NTRK3: variants seen among roughly 807,000 people sequenced by gnomAD.
NTRK3 encodes neurotrophic receptor tyrosine kinase 3.
In NTRK3, 24 loss-of-function variants were observed where a neutral mutation model predicts 91.7. The ratio of observed to expected loss-of-function variants is 0.26; its 90% CI spans 0.19 to 0.37. NTRK3 has a LOEUF of 0.37. Ranked by LOEUF, NTRK3 falls within the 10% of genes least tolerant of loss-of-function variation. NTRK3 has a pLI of 1.00. For synonymous variants in NTRK3, 483 were observed against 404.0 expected (o/e 1.20, Z -2.34); for missense variants, 880 against 1,068.9 (o/e 0.82, Z 2.46).
At chr15:87,971,486 A>C (rs995147885) in intron 14 of NTRK3, among the ~76,000 whole-genome samples, 2 of 152,260 alleles carry the variant, frequency 1.3e-5, no homozygotes, top group Non-Finnish European at 2.9e-5. Flanking sequence ...TTAATAGGCT[A>C]GATTTAGTTA....
chr15:88,199,106 G>T (rs919439881), intron 3 of NTRK3, among the ~76,000 whole-genome samples: 3 of 152,226 alleles, frequency 2.0e-5, no homozygotes, highest in Non-Finnish European at 4.4e-5. Context: ...TCCAGGGACA[G>T]GGTGGGGTGG....
chr15:87,893,951 C>G (rs925784165), intron 17 of NTRK3, among the ~76,000 whole-genome samples: 1 of 152,180 alleles, frequency 6.6e-6, no homozygotes, highest in African/African-American at 2.4e-5. Context: ...GAGGAGACAA[C>G]TCTGAAGAGT....
exon 19 of NTRK3, chr15:87,859,783 C>CAATT: frequency 5.7e-6 from 1 of 175,922 alleles, no homozygotes; most frequent in Admixed American, 6.3e-5. Context: ...AGAAGAGACC[C>CAATT]TACATAAACT....
At chr15:88,110,246 A>G (rs1254871790) in intron 13 of NTRK3, among the ~76,000 whole-genome samples, 1 of 152,330 alleles carries the variant, frequency 6.6e-6, no homozygotes, top group East Asian at 1.9e-4. Flanking sequence ...AATAAGGAAG[A>G]AAGAAGATCA....
rs2053926154 is a variant in NTRK3, at chr15:88,255,404, A to G, written c.248+502T>C. Among the ~76,000 whole-genome samples the G allele has an allele frequency of 6.6e-6, 1 of 152,118 alleles. No individual in the cohort carries two copies. Among genetic ancestry groups the G allele is most frequent in the Non-Finnish European group, 1.5e-5 (1 of 68,006 alleles). ...TGTCAGCATGTTTTGCTGTTTCCAA[A>G]TGGAAATAGTTAAACACCTCGGCTG... On this transcript the variant is annotated intron_variant, in intron 3 of 18. Coordinates refer to ENST00000394480, the Ensembl canonical transcript of NTRK3. This position sits in a 1 kb window ranked among gnomAD's most constrained non-coding sequence, Gnocchi z 4.3.
intron 5 of NTRK3, among the ~76,000 whole-genome samples, chr15:88,173,653 C>T (rs964605099): frequency 6.6e-6 from 1 of 152,240 alleles, no homozygotes; most frequent in African/African-American, 2.4e-5. Context: ...GCACTCCCTT[C>T]GTGGTCTCCC....
chr15:88,041,456 C>T (rs979635707), intron 13 of NTRK3, among the ~76,000 whole-genome samples: 4 of 152,172 alleles, frequency 2.6e-5, no homozygotes, highest in South Asian at 2.1e-4. Context: ...TTAAACAGTA[C>T]CCCCATCACT....
intron 17 of NTRK3, among the ~76,000 whole-genome samples, chr15:87,912,185 C>T (rs576439869): frequency 2.3e-4 from 35 of 152,308 alleles, no homozygotes; most frequent in Non-Finnish European, 4.3e-4. Flanking sequence ...TTGCTTGCTG[C>T]GTTGACTAGG....
At chr15:87,993,540 A>G (rs1180139616) in intron 14 of NTRK3, among the ~76,000 whole-genome samples, 1 of 152,162 alleles carries the variant, frequency 6.6e-6, no homozygotes, top group Non-Finnish European at 1.5e-5. Context: ...GTCCTTTTTA[A>G]TTTGATGGAA....
chr15:88,251,921 C>G (rs1248289529), intron 3 of NTRK3, among the ~76,000 whole-genome samples: 2 of 152,148 alleles, frequency 1.3e-5, no homozygotes. Context: ...GGCCTCAGGT[C>G]CCATGGAGGT....
At chr15:88,187,435 T>A (rs1382391921) in intron 3 of NTRK3, among the ~76,000 whole-genome samples, 1 of 152,204 alleles carries the variant, frequency 6.6e-6, no homozygotes, top group Non-Finnish European at 1.5e-5. Flanking sequence ...GTCAGTGTTG[T>A]GACTCTGCCG....
chr15:87,951,596 G>C (rs1403710254), intron 14 of NTRK3, among the ~76,000 whole-genome samples: 2 of 152,210 alleles, frequency 1.3e-5, no homozygotes, highest in East Asian at 3.8e-4. Context: ...AAGGATTTTA[G>C]TTAATGCACA....
intron 5 of NTRK3, among the ~76,000 whole-genome samples, chr15:88,174,595 G>A (rs1284733616): frequency 6.6e-6 from 1 of 152,096 alleles, no homozygotes; most frequent in Non-Finnish European, 1.5e-5. Context: ...TGATAAACAG[G>A]CTCAGTGGCC....
chr15:88,074,960 C>T (rs1018913440), intron 13 of NTRK3, among the ~76,000 whole-genome samples: 9 of 152,182 alleles, frequency 5.9e-5, no homozygotes, highest in South Asian at 2.1e-4. Flanking sequence ...CTACATCTCC[C>T]GGCACCCTTT....
chr15:87,891,212 T>C (rs972166854), intron 17 of NTRK3, among the ~76,000 whole-genome samples: 1 of 152,220 alleles, frequency 6.6e-6, no homozygotes, highest in African/African-American at 2.4e-5. Context: ...CAGCTCTTTC[T>C]GTCCTTAGAA....
At chr15:88,137,647 G>A (rs151042785) in intron 6 of NTRK3, 86 bp from the exon 7 acceptor site, 310 of 1,386,384 alleles carry the variant, frequency 2.2e-4, no homozygotes, top group African/African-American at 2.2e-3. Context: ...AGGGGGACCC[G>A]ACCTGTTCAG....
chr15:88,088,588 G>C (rs1193923527), intron 13 of NTRK3, among the ~76,000 whole-genome samples: 2 of 152,260 alleles, frequency 1.3e-5, no homozygotes, highest in Middle Eastern at 3.4e-3. Context: ...GCATATACCA[G>C]CATATATATT....
intron 14 of NTRK3, among the ~76,000 whole-genome samples, chr15:87,963,493 A>G (rs988478826): frequency 5.9e-5 from 9 of 152,202 alleles, no homozygotes; most frequent in Admixed American, 2.0e-4. Flanking sequence ...GGACTTTTCA[A>G]TTTCACTATG....
chr15:88,248,514 ATT>A (rs1205343206), intron 3 of NTRK3, among the ~76,000 whole-genome samples: 1 of 61,610 alleles, frequency 1.6e-5, no homozygotes, highest in Admixed American at 1.8e-4. Context: ...ATAGTAATAT[ATT>A]TGTGTGTGTG....
Sources: gnomAD v4.1 joint callset for allele counts (sites outside exome capture counted in the v4.1 genomes callset) on GRCh38, gnomAD v4.1.1 for gene constraint, Gnocchi (gnomAD v3.1) non-coding constraint, MANE v1.5 for transcripts, NCBI Gene and HGNC (gene_info 2026-07-23, HGNC 2026-07-21) for gene names.